TGFBR3: variants seen among roughly 807,000 people sequenced by gnomAD.
The protein encoded by TGFBR3 is transforming growth factor beta receptor 3.
TGFBR3 carries 46 observed loss-of-function variants against 87.9 expected under a neutral mutation model. The ratio of observed to expected loss-of-function variants is 0.52; its 90% CI spans 0.41 to 0.67. TGFBR3 has a LOEUF of 0.67. TGFBR3 is among the 30% of genes least tolerant of loss of function. The pLI is 0.00. For synonymous variants in TGFBR3, 381 were observed against 391.6 expected (o/e 0.97, Z 0.32); for missense variants, 866 against 1,041.9 (o/e 0.83, Z 2.32).
intron 2 of TGFBR3, among the ~76,000 whole-genome samples, chr1:91,810,517 G>A (rs1675991530): frequency 1.3e-5 from 2 of 152,188 alleles, no homozygotes; most frequent in Admixed American, 6.5e-5. Flanking sequence ...AACTCCATGA[G>A]GGCAAGGACT....
chr1:91,848,948 T>C (rs1199679280), intron 2 of TGFBR3, among the ~76,000 whole-genome samples: 2 of 152,230 alleles, frequency 1.3e-5, no homozygotes, highest in Non-Finnish European at 2.9e-5. Context: ...TTCAGTTCTA[T>C]AGATGTAATT....
intron 16 of TGFBR3, among the ~76,000 whole-genome samples, chr1:91,685,405 C>A (rs1286181680): frequency 6.7e-6 from 1 of 150,122 alleles, no homozygotes; most frequent in Non-Finnish European, 1.5e-5. Context: ...TCACTGCAAC[C>A]TCCACCCCCC....
At chr1:91,694,530 G>A (rs903716705) in intron 16 of TGFBR3, among the ~76,000 whole-genome samples, 3 of 152,192 alleles carry the variant, frequency 2.0e-5, no homozygotes, top group Admixed American at 6.5e-5. Flanking sequence ...ACTATCAGAG[G>A]ATCACTGTGT....
chr1:91,684,061 T>C (rs1457076080), intron 16 of TGFBR3, among the ~76,000 whole-genome samples: 2 of 152,192 alleles, frequency 1.3e-5, no homozygotes, highest in African/African-American at 4.8e-5. Context: ...TAAAGCATCA[T>C]GAATGGGAAA....
chr1:91,832,494 T>C lies in TGFBR3; in HGVS notation c.61+28977A>G, dbSNP rs1416328520. Among the ~76,000 whole-genome samples, 5 of 152,356 alleles carry C rather than the reference T, an allele frequency of 3.3e-5. No individual in the cohort carries two copies. In the East Asian group the frequency reaches 9.6e-4, roughly 29 times the overall value. ...CATTTGACATGTATTAACATGTTTA[T>C]TCCTCACAACAACCTTGAGATACAC... On this transcript the variant is annotated intron_variant, in intron 2 of 16. Transcript: ENST00000212355.
At chr1:91,843,464 T>C (rs145765861) in intron 2 of TGFBR3, among the ~76,000 whole-genome samples, 138 of 152,334 alleles carry the variant, frequency 9.1e-4, no homozygotes, top group African/African-American at 3.3e-3. Flanking sequence ...GAAAAATACA[T>C]TTCTGTTGTT....
intron 2 of TGFBR3, among the ~76,000 whole-genome samples, chr1:91,849,821 G>T (rs183050125): frequency 2.0e-5 from 3 of 152,082 alleles, no homozygotes; most frequent in African/African-American, 7.2e-5. Flanking sequence ...GGTGGCTCAC[G>T]CCTGTAATCC....
At chr1:91,742,329 T>C (rs995886442) in intron 4 of TGFBR3, among the ~76,000 whole-genome samples, 3 of 152,236 alleles carry the variant, frequency 2.0e-5, no homozygotes, top group Admixed American at 6.5e-5. Flanking sequence ...TCTGAATCCC[T>C]TGGGCCTGGC....
chr1:91,885,685 G>C (rs1003236738), intron 1 of TGFBR3, among the ~76,000 whole-genome samples, 193 bp downstream of exon 1: 2 of 152,154 alleles, frequency 1.3e-5, no homozygotes, highest in African/African-American at 4.8e-5. Flanking sequence ...CTGGCCACCG[G>C]TGCCTGCTCC....
chr1:91,770,864 T>C lies in TGFBR3; in HGVS notation c.247-12114A>G, dbSNP rs145752302. 19 of 152,324 alleles carry C rather than the reference T, an allele frequency of 1.2e-4. No homozygotes were observed. The East Asian group carries it at 3.7e-3, about 29-fold the overall frequency. 9.4% of individuals were successfully genotyped at this position (152,324 alleles called of 1,614,324 possible). Reference sequence around the variant, plus strand: ...TACCACACCCCTTTTCTCTAGGATGTGTCCCATGTATAGTGCGCTGCTTTC... The same window carrying C: ...TACCACACCCCTTTTCTCTAGGATGCGTCCCATGTATAGTGCGCTGCTTTC... On this transcript the variant is annotated intron_variant, in intron 3 of 16. Coordinates refer to ENST00000212355, the MANE Select transcript of TGFBR3 (RefSeq NM_003243.5).
At chr1:91,778,338 T>C (rs1674644225) in intron 3 of TGFBR3, among the ~76,000 whole-genome samples, 1 of 152,142 alleles carries the variant, frequency 6.6e-6, no homozygotes, top group Admixed American at 6.5e-5. Context: ...ATATTAATTT[T>C]CTCAATGTCT....
chr1:91,839,503 CT>C (rs1677189307), intron 2 of TGFBR3, among the ~76,000 whole-genome samples: 1 of 152,188 alleles, frequency 6.6e-6, no homozygotes, highest in African/African-American at 2.4e-5. Context: ...AGACATCACT[CT>C]AGCCAAGTGA....
In TGFBR3 at chr1:91,708,792, A is replaced by C. The variant is rs1671886093; in HGVS notation, c.2167-9T>G. 1 of 1,613,662 alleles carries C rather than the reference A, an allele frequency of 6.2e-7. No individual in the cohort carries two copies. Among genetic ancestry groups the C allele is most frequent in the East Asian group, 2.2e-5 (1 of 44,854 alleles). On this transcript the variant is annotated splice_polypyrimidine_tract_variant and intron_variant, in intron 13 of 16. Transcript: ENST00000212355. ...TCGTCAGGAGGCACACACTGCAGAC[A>C]GGCAGAACAAAGCACAGAATCAGGG...
Position 91,708,791 on chromosome 1 carries a change from C to T in TGFBR3, c.2167-8G>A, listed in dbSNP as rs1671886019. 1.2e-6 allele frequency: 2 copies of T among 1,613,532 alleles called. No individual in the cohort carries two copies. The highest frequency in any genetic ancestry group is 2.7e-5 in the African/African-American group (2 of 74,928). Reference sequence around the variant, plus strand: ...TTCGTCAGGAGGCACACACTGCAGACAGGCAGAACAAAGCACAGAATCAGG... The same window carrying T: ...TTCGTCAGGAGGCACACACTGCAGATAGGCAGAACAAAGCACAGAATCAGG... On this transcript the variant is annotated splice_region_variant and splice_polypyrimidine_tract_variant and intron_variant, in intron 13 of 16. Transcript: ENST00000212355.
chr1:91,794,023 C>T (rs1203306735), intron 3 of TGFBR3, among the ~76,000 whole-genome samples: 1 of 152,018 alleles, frequency 6.6e-6, no homozygotes, highest in African/African-American at 2.4e-5. Flanking sequence ...ATTGAGCCAA[C>T]GTAAACTTTA....
At chr1:91,750,849 G>A (rs1673515594) in intron 4 of TGFBR3, among the ~76,000 whole-genome samples, 1 of 152,202 alleles carries the variant, frequency 6.6e-6, no homozygotes, top group Non-Finnish European at 1.5e-5. Context: ...CCTCATGCAG[G>A]AAGCTGCCTT....
chr1:91,876,897 T>A (rs1678831953), intron 1 of TGFBR3, among the ~76,000 whole-genome samples: 1 of 151,336 alleles, frequency 6.6e-6, no homozygotes, highest in South Asian at 2.1e-4. Context: ...CTTTACCCTC[T>A]GCAAAAAAAA....
intron 2 of TGFBR3, among the ~76,000 whole-genome samples, chr1:91,834,304 C>T (rs981869080): frequency 3.9e-5 from 6 of 152,178 alleles, no homozygotes; most frequent in African/African-American, 1.2e-4. Flanking sequence ...AAAATCTTCA[C>T]ATATCAAAAA....
chr1:91,787,956 A>C (rs568833566), intron 3 of TGFBR3, among the ~76,000 whole-genome samples: 23 of 150,152 alleles, frequency 1.5e-4, no homozygotes, highest in East Asian at 9.7e-4. Context: ...AAAAAAAAAA[A>C]CCCCAAGAAG....
Sources: gnomAD v4.1 joint callset for allele counts (sites outside exome capture counted in the v4.1 genomes callset) on GRCh38, gnomAD v4.1.1 for gene constraint, MANE v1.5 for transcripts, NCBI Gene and HGNC (gene_info 2026-07-23, HGNC 2026-07-21) for gene names.